The following MTCL2 variants were observed in gnomAD, a reference collection of about 807,000 sequenced individuals.
The protein encoded by MTCL2 is microtubule cross-linking factor 2.
chr20:36,809,802 G>C, the MTCL2 span, among the ~76,000 whole-genome samples: 1 of 151,992 alleles, frequency 6.6e-6, no homozygotes, highest in Non-Finnish European at 1.5e-5. Flanking sequence ...TCAAACTCCT[G>C]GCCTCAAGTG....
the MTCL2 span, chr20:36,793,232 A>G: frequency 6.5e-7 from 1 of 1,545,026 alleles, no homozygotes. The surrounding 1 kb of genome is among the most constrained non-coding windows in gnomAD (Gnocchi z 6.8). Flanking sequence ...GAGAAAGGAC[A>G]GATCCCACCC....
the MTCL2 span, among the ~76,000 whole-genome samples, chr20:36,819,458 T>C: frequency 2.0e-5 from 3 of 152,134 alleles, no homozygotes; most frequent in Non-Finnish European, 4.4e-5. Context: ...GTCCAAGGTC[T>C]CACAGTACAC....
the MTCL2 span, chr20:36,808,586 A>G: frequency 1.2e-6 from 2 of 1,611,610 alleles, no homozygotes; most frequent in Non-Finnish European, 1.7e-6. Context: ...CCTGAGCTTC[A>G]TGAAGAGCAG....
chr20:36,785,178 G>A, the MTCL2 span: 2 of 985,338 alleles, frequency 2.0e-6, no homozygotes, highest in African/African-American at 3.5e-5. Context: ...GGGGTGCAGG[G>A]CTCCAGCTCT....
chr20:36,793,282 C>G, the MTCL2 span: 1 of 1,551,840 alleles, frequency 6.4e-7, no homozygotes, highest in Non-Finnish European at 8.7e-7. This position sits in a 1 kb window ranked among gnomAD's most constrained non-coding sequence, Gnocchi z 6.8. Context: ...CATCTCCGTC[C>G]CGGAGGACAC....
the MTCL2 span, among the ~76,000 whole-genome samples, chr20:36,843,412 A>ACAGT: frequency 1.3e-5 from 2 of 152,132 alleles, no homozygotes; most frequent in East Asian, 3.9e-4. Flanking sequence ...GCTGCAGAGA[A>ACAGT]CAGTCACTTT....
the MTCL2 span, chr20:36,859,943 A>C: frequency 8.1e-7 from 1 of 1,230,072 alleles, no homozygotes; most frequent in Non-Finnish European, 1.0e-6. Context: ...CACTCTGGCC[A>C]CAGTTTTCCC....
At chr20:36,791,219 C>A in the MTCL2 span, among the ~76,000 whole-genome samples, 1 of 151,754 alleles carries the variant, frequency 6.6e-6, no homozygotes, top group Non-Finnish European at 1.5e-5. Flanking sequence ...ATTTTTAGTA[C>A]AGACAGGGTT....
chr20:36,801,882 T>A, the MTCL2 span, among the ~76,000 whole-genome samples: 1 of 151,950 alleles, frequency 6.6e-6, no homozygotes, highest in Non-Finnish European at 1.5e-5. Context: ...GAGAATCACT[T>A]GAACCCGGGA....
chr20:36,797,555 G>T, the MTCL2 span: 42 of 1,557,136 alleles, frequency 2.7e-5, no homozygotes, highest in Non-Finnish European at 3.1e-5. Context: ...AGGACCCAGG[G>T]GTCGGCAGCC....
chr20:36,792,876 A>G, the MTCL2 span, among the ~76,000 whole-genome samples: 1 of 151,742 alleles, frequency 6.6e-6, no homozygotes, highest in African/African-American at 2.4e-5. Context: ...AGACAGACAG[A>G]CAGACAGACA....
At chr20:36,838,000 G>C in the MTCL2 span, among the ~76,000 whole-genome samples, 1 of 151,744 alleles carries the variant, frequency 6.6e-6, no homozygotes, top group Non-Finnish European at 1.5e-5. Context: ...GTATATTGGA[G>C]CCAAGATTTA....
chr20:36,801,385 T>C, the MTCL2 span, among the ~76,000 whole-genome samples: 1 of 151,992 alleles, frequency 6.6e-6, no homozygotes, highest in Non-Finnish European at 1.5e-5. Context: ...TAAATGGACA[T>C]TAAAATTTGA....
At chr20:36,785,201 T>A in the MTCL2 span, 1 of 985,228 alleles carries the variant, frequency 1.0e-6, no homozygotes, top group Non-Finnish European at 1.2e-6. Context: ...TGAGGGGCCC[T>A]CCAAAGCTGA....
the MTCL2 span, among the ~76,000 whole-genome samples, chr20:36,807,418 T>C: frequency 6.6e-6 from 1 of 152,172 alleles, no homozygotes; most frequent in African/African-American, 2.4e-5. Context: ...AAGCCTGGGC[T>C]AGACTCGAGG....
chr20:36,856,949 G>A, the MTCL2 span, among the ~76,000 whole-genome samples: 510 of 152,350 alleles, frequency 3.3e-3, 3 homozygotes, highest in Non-Finnish European at 5.5e-3. Flanking sequence ...ATGTTTGCAT[G>A]CCAGACTGTG....
the MTCL2 span, among the ~76,000 whole-genome samples, chr20:36,837,039 C>T: frequency 6.6e-6 from 1 of 152,344 alleles, no homozygotes; most frequent in African/African-American, 2.4e-5. Context: ...GACTTCTCCC[C>T]AGGTAAGTGT....
the MTCL2 span, among the ~76,000 whole-genome samples, chr20:36,792,391 C>T: frequency 6.6e-6 from 1 of 152,168 alleles, no homozygotes; most frequent in African/African-American, 2.4e-5. Context: ...TGCCTTAATC[C>T]CAGCTACTTG....
chr20:36,860,812 G>A, the MTCL2 span, among the ~76,000 whole-genome samples: 2 of 152,336 alleles, frequency 1.3e-5, no homozygotes, highest in Admixed American at 1.3e-4. Flanking sequence ...AGATCCAATA[G>A]CAGCACGAAG....
Sources: gnomAD v4.1 joint callset for allele counts (sites outside exome capture counted in the v4.1 genomes callset) on GRCh38, gnomAD v4.1.1 for gene constraint, Gnocchi (gnomAD v3.1) non-coding constraint, MANE v1.5 for transcripts, NCBI Gene and HGNC (gene_info 2026-07-23, HGNC 2026-07-21) for gene names.